Variants in CAPN12 observed in about 807,000 individuals in gnomAD.
CAPN12 encodes the protein calpain-12.
In CAPN12, 107 loss-of-function variants were observed where a neutral mutation model predicts 95.0. That is an observed-to-expected ratio of 1.13 (90% CI 0.96 to 1.32). The LOEUF (loss-of-function observed/expected upper bound fraction) is 1.32. CAPN12 is among the 40% of genes most tolerant of loss of function. The pLI, the probability that CAPN12 is intolerant of heterozygous loss-of-function variation, is 0.00. For synonymous variants in CAPN12, 505 were observed against 415.5 expected (o/e 1.22, Z -2.62); for missense variants, 1,136 against 997.8 (o/e 1.14, Z -1.87).
Position 38,730,940 on chromosome 19 carries a change from A to G in CAPN12, c.2133+25T>C, listed in dbSNP as rs1439566470. The G allele has an allele frequency of 1.9e-6, 3 of 1,550,186 alleles. No individual in the cohort carries two copies. The African/African-American group carries it at 4.1e-5, about 21-fold the overall frequency. ...GAGCTCGCAGGACAGAGCCTGAGCC[A>G]CCCTGTCCCTCCCACCTGGCTCACC... On this transcript the variant is annotated intron_variant, in intron 20 of 20. Coordinates refer to ENST00000328867, the MANE Select transcript of CAPN12 (RefSeq NM_144691.4).
At chr19:38,736,354 A>AC (rs1970149334) in intron 11 of CAPN12, 36 bp from the exon 12 acceptor site, 11 of 1,459,378 alleles carry the variant, frequency 7.5e-6, no homozygotes, top group Non-Finnish European at 8.2e-6. Flanking sequence ...GACCAGGCTC[A>AC]CCCCCGGCCC....
At position 38,736,450 on chromosome 19, in the gene CAPN12, C is replaced by T. The variant is rs561414572; in HGVS notation, c.1374+102G>A. The T allele has an allele frequency of 2.9e-5, 44 of 1,497,558 alleles. No individual in the cohort carries two copies. In the Admixed American group the frequency reaches 7.5e-4, roughly 25 times the overall value. The allele number at this position is 1,497,558 out of a possible 1,614,324, so 92.8% of individuals were successfully genotyped here. A position where few individuals can be genotyped will look rare whatever the true frequency, so the allele number is the denominator to read the frequency against. Reference sequence around the variant, plus strand: ...CCTGCCCCCGGACCCGGCTCTGCCCCCCCACCCCCAGGGCAGTTTGACCAA... The same window carrying T: ...CCTGCCCCCGGACCCGGCTCTGCCCTCCCACCCCCAGGGCAGTTTGACCAA... On this transcript the variant is annotated intron_variant, in intron 11 of 20. Coordinates refer to ENST00000328867, the MANE Select transcript of CAPN12 (RefSeq NM_144691.4).
chr19:38,736,899 G>GCCCCCCCCC, intron 10 of CAPN12: 3 of 447,596 alleles, frequency 6.7e-6, no homozygotes, highest in Non-Finnish European at 8.0e-6. Context: ...CTGAGACCTG[G>GCCCCCCCCC]CCCCCCAGCC....
intron 14 of CAPN12, 34 bp downstream of exon 14, chr19:38,735,336 C>A: frequency 2.0e-6 from 3 of 1,516,246 alleles, no homozygotes; most frequent in Non-Finnish European, 2.7e-6. Context: ...GAGGCCGCAG[C>A]GGGATACCCC....
chr19:38,733,896 A>G, intron 17 of CAPN12, 115 bp from the exon 18 acceptor site: 1 of 919,188 alleles, frequency 1.1e-6, no homozygotes, highest in Non-Finnish European at 1.7e-6. Context: ...TCTGGTGTGG[A>G]CCCCCAGCAA....
chr19:38,734,987 G>C (rs570832507), intron 14 of CAPN12, 117 bp from the exon 15 acceptor site: 52 of 920,874 alleles, frequency 5.6e-5, no homozygotes, highest in Non-Finnish European at 8.2e-5. Context: ...CTCCAGGAGT[G>C]GGGGAGACAG....
In CAPN12 at chr19:38,741,831, C is replaced by T. The variant is rs201015038; in HGVS notation, c.506G>A (p.Arg169His). ...CCAGAACTCATTCCGCTGTTCCGAG[C>T]GCACGAACATCAGCTTCCCCTCACG... is the stretch of plus-strand genomic sequence containing the variant. Reference protein sequence around the residue: ...PVREGKLMFVRSEQRNEFWAP... With the variant: ...PVREGKLMFVHSEQRNEFWAP... The change falls in exon 4 of 21, where the codon CGC becomes CAC. Residue 169 changes from arginine to histidine, a missense_variant. Physicochemically the swap from Arg to His is conservative, Grantham distance 29. Coordinates refer to ENST00000328867, the MANE Select transcript of CAPN12 (RefSeq NM_144691.4). 18 of 1,613,920 alleles carry T rather than the reference C, an allele frequency of 1.1e-5. No individual in the cohort carries two copies. Among genetic ancestry groups the T allele is most frequent in the Admixed American group, 1.7e-5 (1 of 59,996 alleles).
In CAPN12 at chr19:38,730,676, T is replaced by C. The variant is rs968587703; in HGVS notation, c.*176A>G. 5.7e-6 allele frequency: 4 copies of C among 698,878 alleles called. No homozygotes were observed. Among genetic ancestry groups the C allele is most frequent in the Admixed American group, 2.5e-5 (1 of 40,606 alleles). The allele number at this position is 698,878 out of a possible 1,614,324, so 43.3% of individuals were successfully genotyped here. A position where few individuals can be genotyped will look rare whatever the true frequency, so the allele number is the denominator to read the frequency against. ...GAGAAGGGCTGTCGCTGTTCTTGTT[T>C]CTGAGTGAGGAGTACGCAGGCCAGA... On this transcript the variant is annotated 3_prime_UTR_variant, in exon 21 of 21. Transcript: ENST00000328867.
chr19:38,744,334 G>A lies in CAPN12; in HGVS notation c.-169C>T, dbSNP rs181984157. The A allele has an allele frequency of 1.8e-3, 1,178 of 662,270 alleles. No homozygotes were observed. The highest frequency in any genetic ancestry group is 2.5e-3 in the Non-Finnish European group (953 of 386,908). The allele number at this position is 662,270 out of a possible 1,614,324, so 41.0% of individuals were successfully genotyped here. On this transcript the variant is annotated 5_prime_UTR_variant, in exon 1 of 21. Coordinates refer to ENST00000328867, the MANE Select transcript of CAPN12 (RefSeq NM_144691.4). ...GCTGGGGAGCAGGGACGCCTCTTCAGTAGCTTTCTTCCCAGGGCGTGGGGC... is the reference window on the plus strand; with the variant it reads ...GCTGGGGAGCAGGGACGCCTCTTCAATAGCTTTCTTCCCAGGGCGTGGGGC...
intron 10 of CAPN12, 96 bp downstream of exon 10, chr19:38,737,060 T>C (rs1335891149): frequency 1.4e-5 from 3 of 211,884 alleles, no homozygotes; most frequent in African/African-American, 7.1e-5. Context: ...CTCTTCCCAC[T>C]GGCCCCGCCC....
intron 18 of CAPN12, 127 bp from the exon 19 acceptor site, chr19:38,731,350 C>A: frequency 1.4e-6 from 1 of 715,960 alleles, no homozygotes; most frequent in South Asian, 1.6e-5. Context: ...TGCCCCATCC[C>A]GGCAGGGTGA....
In CAPN12 at chr19:38,730,957, T is replaced by G; in HGVS notation, c.2133+8A>C. ...CCTGAGCCACCCTGTCCCTCCCACC[T>G]GGCTCACCTGTCTGTGGGTCAGGCA... On this transcript the variant is annotated splice_region_variant and intron_variant, in intron 20 of 20. Transcript: ENST00000328867. 2 of 1,550,604 alleles carry G rather than the reference T, an allele frequency of 1.3e-6. No homozygotes were observed. The highest frequency in any genetic ancestry group is 1.7e-6 in the Non-Finnish European group (2 of 1,147,070).
chr19:38,736,698 C>T, intron 10 of CAPN12, 135 bp from the exon 11 acceptor site: 1 of 1,110,952 alleles, frequency 9.0e-7, no homozygotes, highest in Non-Finnish European at 1.3e-6. Context: ...GAACCTTTGC[C>T]CCGCAGTCCC....
chr19:38,736,419 G>C, intron 11 of CAPN12, 101 bp from the exon 12 acceptor site: 2 of 1,504,318 alleles, frequency 1.3e-6, no homozygotes, highest in Non-Finnish European at 1.8e-6. Context: ...CCCTGTCCAC[G>C]CCTCCCCTGC....
rs1401996449 is a variant in CAPN12 at position 38,743,135 on chromosome 19, T to A, written c.238-33A>T. On this transcript the variant is annotated intron_variant, in intron 1 of 20. Transcript: ENST00000328867. ...TGGTGGGGGATTCCAGGCCTCAGCC[T>A]GAGAAAGCGAGGAAAGGTCTCATCC... is the stretch of plus-strand genomic sequence containing the variant. 8 of 1,612,738 alleles carry A rather than the reference T, an allele frequency of 5.0e-6. No individual in the cohort carries two copies. In the Admixed American group the frequency reaches 6.7e-5, roughly 13 times the overall value.
rs763470190 is a variant in CAPN12, at chr19:38,737,269, G to A, written c.1249C>T (p.Arg417Trp). The A allele has an allele frequency of 2.6e-6, 4 of 1,541,684 alleles. No homozygotes were observed. In the South Asian group the frequency reaches 4.8e-5, roughly 18 times the overall value. ...WGAAGARGPA[R>W]GGRTPKCTVL... ...GTGCACTTGGGCGTGCGGCCCCCCC[G>A]CGCTGGGCCCCGTGCCCCTGCAGCC... Residue 417 changes from arginine to tryptophan, a missense_variant, in exon 10 of 21, where the codon CGG becomes TGG. By Grantham distance (101) the Arg-to-Trp change is moderately radical. Transcript: ENST00000328867.
chr19:38,743,130 C>T, intron 1 of CAPN12, 28 bp from the exon 2 acceptor site: 2 of 1,613,582 alleles, frequency 1.2e-6, no homozygotes, highest in Non-Finnish European at 8.5e-7. Flanking sequence ...TTCCAGGCCT[C>T]AGCCTGAGAA....
chr19:38,734,398 A>G lies in CAPN12; in HGVS notation c.1745-9T>C. 4 of 1,577,304 alleles carry G rather than the reference A, an allele frequency of 2.5e-6. No homozygotes were observed. The highest frequency in any genetic ancestry group is 2.2e-5 in the East Asian group (1 of 44,532). ...GGAGGTATGGGCCCTGGCTACAGGA[A>G]AAACAAAGTCAAACCACAGCACTTC... On this transcript the variant is annotated splice_polypyrimidine_tract_variant and intron_variant, in intron 15 of 20. Transcript: ENST00000328867.
chr19:38,737,354 CG>C lies in CAPN12; in HGVS notation c.1163del (p.Thr388SerfsTer51). 6.2e-7 allele frequency: 1 copy of C among 1,608,718 alleles called. No individual in the cohort carries two copies. The highest frequency in any genetic ancestry group is 8.5e-7 in the Non-Finnish European group (1 of 1,178,340). On this transcript the variant is annotated frameshift_variant, in exon 10 of 21. Transcript: ENST00000328867. LOFTEE classifies it high-confidence loss of function. ...CATCCTCCTCATCAGGCTCCAGCAG[CG>C]TTAAACGGAACTGAGGATTGGTCCA... The part of the protein sequence containing the change: ...TFWTNPQFRL[T>X]LLEPDEEDDE...
Sources: allele counts gnomAD v4.1 joint callset, GRCh38; gene constraint gnomAD v4.1.1; transcripts MANE v1.5; gene names NCBI Gene and HGNC (gene_info 2026-07-23, HGNC 2026-07-21).